UIMC1: variants seen among roughly 807,000 people sequenced by gnomAD.
UIMC1 encodes ubiquitin interaction motif containing 1.
A neutral mutation model predicts 84.9 loss-of-function variants in UIMC1; 42 were observed. That is an observed-to-expected ratio of 0.49 (90% confidence interval 0.39 to 0.64). The LOEUF is 0.64. Among genes scored for constraint, UIMC1 ranks in the 30% least tolerant of loss-of-function variants. UIMC1 has a pLI of 0.00. For synonymous variants in UIMC1, 281 were observed against 293.0 expected (o/e 0.96, Z 0.42); for missense variants, 825 against 847.6 (o/e 0.97, Z 0.33).
intron 1 of UIMC1, among the ~76,000 whole-genome samples, chr5:177,019,483 T>A (rs186521582): frequency 0.012 from 1,853 of 149,636 alleles, 12 homozygotes; most frequent in South Asian, 0.039. Context: ...AAAAAAAAAA[T>A]TTTTTTTAAT....
At chr5:176,951,707 CTA>C in intron 8 of UIMC1, 130 bp from the exon 9 acceptor site, 1 of 589,592 alleles carries the variant, frequency 1.7e-6, no homozygotes, top group Non-Finnish European at 2.9e-6. Context: ...ATTAATAGAT[CTA>C]GTTTGTTTCT....
intron 1 of UIMC1, among the ~76,000 whole-genome samples, chr5:177,013,880 T>C (rs1775613726): frequency 6.6e-6 from 1 of 152,094 alleles, no homozygotes; most frequent in Non-Finnish European, 1.5e-5. Flanking sequence ...CCAGGGAAAC[T>C]TGCCTGAGCC....
chr5:176,981,584 G>A (rs1483358200), intron 2 of UIMC1, among the ~76,000 whole-genome samples: 1 of 152,054 alleles, frequency 6.6e-6, no homozygotes, highest in Non-Finnish European at 1.5e-5. Context: ...GATTGCTTGA[G>A]GATGGGAGTT....
At chr5:177,004,953 A>T (rs1186118557) in intron 1 of UIMC1, among the ~76,000 whole-genome samples, 1 of 152,148 alleles carries the variant, frequency 6.6e-6, no homozygotes, top group African/African-American at 2.4e-5. Context: ...CCCAGGCTGG[A>T]GTGCAGTAGG....
At position 176,955,948 on chromosome 5, in the gene UIMC1, G is replaced by A. The variant is rs777882159; in HGVS notation, c.1339+11C>T. On this transcript the variant is annotated intron_variant, in intron 8 of 14. Transcript: ENST00000511320. ...ATCAGAAATTCAGTAAAATCACAGT[G>A]GGGTACTTACCAGGACAAACAGTGA... The A allele has an allele frequency of 6.8e-6, 11 of 1,611,868 alleles. No homozygotes were observed. In the East Asian group the frequency reaches 2.5e-4, roughly 36 times the overall value.
Position 176,907,117 on chromosome 5 carries a change from A to T in UIMC1, c.1909T>A (p.Ser637Thr). ...AAACTGGTCCTGGGGTCCTCACCTG[A>T]AGTCTTGTGCTCAGACTGTTCCAAG... ...SFLEQSEHKT[S>T]DADIKSSETG... Residue 637 changes from serine (S) to threonine (T), a missense_variant, in exon 13 of 15, where the codon TCA becomes ACA. Transcript: ENST00000511320. The T allele has an allele frequency of 6.2e-7, 1 of 1,613,792 alleles. No individual in the cohort carries two copies. Among genetic ancestry groups the T allele is most frequent in the Non-Finnish European group, 8.5e-7 (1 of 1,179,842 alleles).
At chr5:176,946,146 G>C (rs538536665) in intron 9 of UIMC1, among the ~76,000 whole-genome samples, 19 of 152,246 alleles carry the variant, frequency 1.2e-4, no homozygotes, top group African/African-American at 3.9e-4. Context: ...CCCAGGACCA[G>C]AAGGCAGTGA....
chr5:176,975,509 G>A, intron 2 of UIMC1, 29 bp from the exon 3 acceptor site: 2 of 1,610,238 alleles, frequency 1.2e-6, no homozygotes, highest in Non-Finnish European at 1.7e-6. Flanking sequence ...TATCATCAGT[G>A]TGGCTGCCAC....
At position 177,021,294 on chromosome 5, in the gene UIMC1, A is replaced by AGAAAG. The variant is rs777349426; in HGVS notation, c.-9+1165_-9+1169dup. ...TCTGCCTCAAAAACAATTTAAAAAA[A>AGAAAG]GAAAGAAAAGAAAAGAGACAAAAAT... On this transcript the variant is annotated intron_variant, in intron 1 of 5. Coordinates refer to the UIMC1 transcript ENST00000509236. Among the ~76,000 whole-genome samples the AGAAAG allele has an allele frequency of 8.5e-4, 129 of 152,360 alleles. No individual in the cohort carries two copies. The East Asian group carries it at 0.012, about 15-fold the overall frequency.
At chr5:176,971,640 G>A (rs1212468523) in intron 3 of UIMC1, among the ~76,000 whole-genome samples, 3 of 152,224 alleles carry the variant, frequency 2.0e-5, no homozygotes, top group Admixed American at 6.5e-5. Flanking sequence ...CAGGCGTGGT[G>A]GCTCACGCCT....
At chr5:176,945,690 G>A (rs1391315894) in intron 9 of UIMC1, among the ~76,000 whole-genome samples, 1 of 152,174 alleles carries the variant, frequency 6.6e-6, no homozygotes, top group Non-Finnish European at 1.5e-5. Context: ...GGATAAGATA[G>A]GGCTATAAAC....
At chr5:176,989,832 T>C (rs1180601732) in intron 1 of UIMC1, among the ~76,000 whole-genome samples, 1 of 152,000 alleles carries the variant, frequency 6.6e-6, no homozygotes, top group African/African-American at 2.4e-5. Context: ...GTCTAAATGT[T>C]TGTGTCCCTC....
At chr5:176,983,548 A>C (rs973394214) in intron 1 of UIMC1, among the ~76,000 whole-genome samples, 3 of 151,904 alleles carry the variant, frequency 2.0e-5, no homozygotes, top group Non-Finnish European at 4.4e-5. Context: ...AATGTTGCCC[A>C]GGCTGGAGTG....
Position 176,961,177 on chromosome 5 carries a change from G to A in UIMC1, c.1201-3023C>T, listed in dbSNP as rs1439214339. Among the ~76,000 whole-genome samples, 4 of 58,322 alleles carry A rather than the reference G, an allele frequency of 6.9e-5. 1 individual carries two copies. In the East Asian group the frequency reaches 1.8e-3, roughly 26 times the overall value. The allele number at this position is 58,322 out of a possible 152,430, so 38.3% of individuals were successfully genotyped here. A position where few individuals can be genotyped will look rare whatever the true frequency, so the allele number is the denominator to read the frequency against. On this transcript the variant is annotated intron_variant, in intron 6 of 14. Coordinates refer to ENST00000511320, the MANE Select transcript of UIMC1 (RefSeq NM_001199298.2). ...CTCCGCCCGGCCGCCATCCCATCTA[G>A]GAAGTGAGGAGCGCCTCTTCCCAGC...
At chr5:176,957,953 A>G (rs1307603724) in intron 7 of UIMC1, 140 bp downstream of exon 7, 1 of 593,908 alleles carries the variant, frequency 1.7e-6, no homozygotes, top group Non-Finnish European at 2.7e-6. Context: ...AGATACTAAT[A>G]AAATTTCTCC....
intron 13 of UIMC1, among the ~76,000 whole-genome samples, 171 bp downstream of exon 13, chr5:176,906,943 A>T (rs1185106679): frequency 1.3e-5 from 2 of 152,210 alleles, no homozygotes; most frequent in Non-Finnish European, 2.9e-5. Flanking sequence ...AAGACAGCAT[A>T]TTGCCCCAAC....
chr5:176,993,810 C>T (rs1192485339), intron 1 of UIMC1, among the ~76,000 whole-genome samples: 1 of 151,712 alleles, frequency 6.6e-6, no homozygotes, highest in Non-Finnish European at 1.5e-5. Context: ...GAGTTTGAGA[C>T]CAGCCTGGTC....
At chr5:176,907,044 G>C in intron 13 of UIMC1, 70 bp downstream of exon 13, 1 of 1,490,286 alleles carries the variant, frequency 6.7e-7, no homozygotes, top group Non-Finnish European at 9.3e-7. Context: ...ATAGTCAGGG[G>C]GCTGGCAATG....
intron 10 of UIMC1, among the ~76,000 whole-genome samples, chr5:176,924,705 T>C (rs1005614946): frequency 9.9e-5 from 15 of 152,184 alleles, no homozygotes; most frequent in Admixed American, 6.5e-5. Context: ...AATTGAAAAT[T>C]AGACCATCTT....
Sources: allele counts gnomAD v4.1 joint callset (sites outside exome capture counted in the v4.1 genomes callset), GRCh38; gene constraint gnomAD v4.1.1; transcripts MANE v1.5; gene names NCBI Gene and HGNC (gene_info 2026-07-23, HGNC 2026-07-21).